PEBP4: variants seen among roughly 807,000 people sequenced by gnomAD.
PEBP4 encodes the protein phosphatidylethanolamine-binding protein 4.
Under a neutral mutation model 23.9 loss-of-function variants are expected in PEBP4, and 22 were observed. That is an observed-to-expected ratio of 0.92 (90% CI 0.66 to 1.31). The LOEUF (loss-of-function observed/expected upper bound fraction) is 1.31. Ranked by LOEUF, PEBP4 falls within the 40% of genes most tolerant of loss-of-function variation. The pLI, the probability that PEBP4 is intolerant of heterozygous loss-of-function variation, is 0.00. For missense variants in PEBP4, 324 were observed against 281.7 expected (o/e 1.15, Z -1.07); for synonymous variants, 112 against 99.3 (o/e 1.13, Z -0.76).
chr8:22,918,786 T>C (rs1034689355), intron 3 of PEBP4, among the ~76,000 whole-genome samples: 8 of 152,336 alleles, frequency 5.3e-5, no homozygotes, highest in African/African-American at 1.9e-4. Flanking sequence ...GCCCGGCCTC[T>C]GCACCTCCCA....
At chr8:22,836,212 T>C (rs1362460406) in intron 3 of PEBP4, among the ~76,000 whole-genome samples, 2 of 152,198 alleles carry the variant, frequency 1.3e-5, no homozygotes, top group African/African-American at 4.8e-5. Context: ...ATTAAGTGAA[T>C]TAATACATGG....
intron 2 of PEBP4, chr8:22,924,968 C>G: frequency 2.0e-6 from 2 of 985,330 alleles, no homozygotes; most frequent in South Asian, 9.4e-5. Context: ...TAAGAGTTCC[C>G]TGGTAGACCA....
intron 3 of PEBP4, chr8:22,878,217 G>GGAGGGGGAGAGGGAGGGGGA (rs1554493710): frequency 6.6e-6 from 1 of 151,786 alleles, no homozygotes; most frequent in Non-Finnish European, 1.5e-5. Flanking sequence ...GCATGGAGAG[G>GGAGGGGGAGAGGGAGGGGGA]GAGGGGGAGA....
chr8:22,722,717 G>C (rs1804541751), intron 6 of PEBP4, among the ~76,000 whole-genome samples: 1 of 152,170 alleles, frequency 6.6e-6, no homozygotes, highest in Non-Finnish European at 1.5e-5. Flanking sequence ...GCACATGGAA[G>C]GCATCACATG....
intron 3 of PEBP4, among the ~76,000 whole-genome samples, chr8:22,838,622 G>A (rs535428253): frequency 2.0e-4 from 30 of 152,378 alleles, no homozygotes; most frequent in South Asian, 1.9e-3. Flanking sequence ...CAAGTTCAGC[G>A]TTTGCCTAAA....
chr8:22,799,646 T>C (rs1806339534), intron 4 of PEBP4, among the ~76,000 whole-genome samples: 1 of 152,250 alleles, frequency 6.6e-6, no homozygotes. Flanking sequence ...GTTGGTGTGC[T>C]GCACCCATTA....
intron 4 of PEBP4, among the ~76,000 whole-genome samples, chr8:22,814,888 G>T (rs1251418165): frequency 6.6e-6 from 1 of 151,938 alleles, no homozygotes; most frequent in Non-Finnish European, 1.5e-5. Context: ...GAGTGAACCG[G>T]GGGGTGGTGG....
chr8:22,830,205 C>T (rs967052698), intron 3 of PEBP4, among the ~76,000 whole-genome samples: 1 of 150,708 alleles, frequency 6.6e-6, no homozygotes. Flanking sequence ...TTTCGGCTAA[C>T]TGCAGTCTCC....
intron 4 of PEBP4, among the ~76,000 whole-genome samples, chr8:22,748,260 G>C (rs144185766): frequency 2.3e-4 from 35 of 152,266 alleles, no homozygotes; most frequent in African/African-American, 6.3e-4. Context: ...GCCTGTGGCT[G>C]AGGTTGGATG....
At chr8:22,926,521 T>C (rs115419423) in intron 2 of PEBP4, among the ~76,000 whole-genome samples, 28 of 152,188 alleles carry the variant, frequency 1.8e-4, no homozygotes, top group African/African-American at 5.5e-4. Flanking sequence ...GTTTTTAAAC[T>C]GTTTTGTAGA....
chr8:22,932,534 C>A (rs537901750), upstream of PEBP4, among the ~76,000 whole-genome samples: 1 of 152,132 alleles, frequency 6.6e-6, no homozygotes, highest in Non-Finnish European at 1.5e-5. Flanking sequence ...TATACACACA[C>A]ACACACACCC....
upstream of PEBP4, among the ~76,000 whole-genome samples, chr8:22,929,992 C>T (rs1033695592): frequency 5.3e-5 from 8 of 152,186 alleles, no homozygotes; most frequent in South Asian, 2.1e-4. Flanking sequence ...CGTGAGCCAC[C>T]GCGCCCAGCC....
At chr8:22,823,451 A>C (rs1806900274) in intron 3 of PEBP4, among the ~76,000 whole-genome samples, 1 of 151,910 alleles carries the variant, frequency 6.6e-6, no homozygotes, top group Admixed American at 6.6e-5. Context: ...TCATATAAGA[A>C]ATTTTCTAAA....
At chr8:22,748,308 A>G (rs1375915432) in intron 4 of PEBP4, among the ~76,000 whole-genome samples, 1 of 152,054 alleles carries the variant, frequency 6.6e-6, no homozygotes, top group Admixed American at 6.6e-5. Flanking sequence ...AGGGGACAGA[A>G]GCCCATCAGT....
chr8:22,848,199 C>T (rs570581732), intron 3 of PEBP4, among the ~76,000 whole-genome samples: 3 of 152,212 alleles, frequency 2.0e-5, no homozygotes, highest in East Asian at 1.9e-4. Context: ...TAATAGACAA[C>T]GAGTTAACAG....
chr8:22,830,146 T>TGTGTG (rs56204367), intron 3 of PEBP4, among the ~76,000 whole-genome samples: 1 of 150,732 alleles, frequency 6.6e-6, no homozygotes, highest in Admixed American at 6.6e-5. Flanking sequence ...TGTGTGTGTG[T>TGTGTG]TTTTACGGAG....
intron 3 of PEBP4, among the ~76,000 whole-genome samples, chr8:22,917,254 C>T (rs147156532): frequency 1.3e-5 from 2 of 152,266 alleles, no homozygotes; most frequent in East Asian, 3.9e-4. Flanking sequence ...CCATCAGGCC[C>T]AGAAGAAATA....
At chr8:22,891,957 C>T (rs1296354268) in intron 3 of PEBP4, among the ~76,000 whole-genome samples, 2 of 152,126 alleles carry the variant, frequency 1.3e-5, no homozygotes, top group African/African-American at 2.4e-5. Flanking sequence ...CCTGTAGTCC[C>T]AGCTACTCAG....
chr8:22,790,161 C>T (rs544248711), intron 4 of PEBP4, among the ~76,000 whole-genome samples: 5 of 152,348 alleles, frequency 3.3e-5, no homozygotes, highest in Non-Finnish European at 5.9e-5. Context: ...TTCCTTTTGT[C>T]ATCCTTCAAC....
Sources: gnomAD v4.1 joint callset for allele counts (sites outside exome capture counted in the v4.1 genomes callset) on GRCh38, gnomAD v4.1.1 for gene constraint, MANE v1.5 for transcripts, NCBI Gene and HGNC (gene_info 2026-07-23, HGNC 2026-07-21) for gene names.